The following PSMB3 variants were observed in gnomAD, a reference collection of about 807,000 sequenced individuals.
The protein encoded by PSMB3 is proteasome subunit beta type-3.
Under a neutral mutation model 23.3 loss-of-function variants are expected in PSMB3, and 5 were observed. The observed-to-expected ratio is 0.21, with a 90% CI of 0.11 to 0.45. PSMB3 has a LOEUF of 0.45. PSMB3 is among the 20% of genes least tolerant of loss of function. The pLI is 0.99. For synonymous variants in PSMB3, 85 were observed against 99.8 expected (o/e 0.85, Z 0.88); for missense variants, 192 against 277.9 (o/e 0.69, Z 2.20).
At chr17:38,759,630 C>T (rs537163745) in intron 3 of PSMB3, among the ~76,000 whole-genome samples, 111 of 151,818 alleles carry the variant, frequency 7.3e-4, no homozygotes, top group Non-Finnish European at 1.4e-3. Context: ...CTGCAAGCTC[C>T]GCCTCCCGGG....
intron 5 of PSMB3, among the ~76,000 whole-genome samples, chr17:38,762,972 G>A (rs968585947): frequency 2.0e-5 from 3 of 152,166 alleles, no homozygotes; most frequent in Admixed American, 1.3e-4. Flanking sequence ...GAACCTGATT[G>A]GATAGAGTAG....
chr17:38,755,688 G>A lies in PSMB3; in HGVS notation c.189-195G>A, dbSNP rs866947509. Among the ~76,000 whole-genome samples the A allele has an allele frequency of 5.7e-3, 720 of 125,756 alleles. 7 individuals are homozygous for A. The highest frequency in any genetic ancestry group is 0.025 in the African/African-American group (687 of 27,986). 82.5% of individuals were successfully genotyped at this position (125,756 alleles called of 152,430 possible). On this transcript the variant is annotated intron_variant, in intron 2 of 5. Transcript: ENST00000619426. ...TATATATATATATATATATATGTGT[G>A]TGTGTGTGTGTGTGTGTGTGTGTGT...
At chr17:38,754,295 C>T (rs926520393) in intron 2 of PSMB3, among the ~76,000 whole-genome samples, 11 of 152,110 alleles carry the variant, frequency 7.2e-5, no homozygotes, top group African/African-American at 2.4e-4. Flanking sequence ...CATGGTGAAA[C>T]GCTGTCTCTA....
chr17:38,756,159 A>G (rs1403624932), intron 3 of PSMB3, among the ~76,000 whole-genome samples, 169 bp downstream of exon 3: 1 of 152,192 alleles, frequency 6.6e-6, no homozygotes, highest in Non-Finnish European at 1.5e-5. Context: ...CCAGATAGGA[A>G]AGAAAATACT....
In PSMB3 at chr17:38,753,353, C is replaced by T; in HGVS notation, c.188+19C>T. The T allele has an allele frequency of 1.2e-6, 2 of 1,608,056 alleles. No homozygotes were observed. On this transcript the variant is annotated intron_variant, in intron 2 of 5. Transcript: ENST00000619426. ...AGACAGTGTAAGTTTCAAGGGTCCC[C>T]GCCCACACCCAGGCCTCTTCTTGGA... is the stretch of plus-strand genomic sequence containing the variant.
intron 2 of PSMB3, among the ~76,000 whole-genome samples, chr17:38,755,672 A>ATG (rs1296883337): frequency 6.8e-5 from 6 of 88,784 alleles, no homozygotes; most frequent in African/African-American, 2.4e-4. Context: ...ATATATATAT[A>ATG]TATATATATA....
chr17:38,752,961 C>T lies in PSMB3; in HGVS notation c.3+132C>T, dbSNP rs1013460762. The T allele has an allele frequency of 3.3e-5, 46 of 1,388,040 alleles. No homozygotes were observed. In the African/African-American group the frequency reaches 5.8e-4, roughly 18 times the overall value. 86.0% of individuals were successfully genotyped at this position (1,388,040 alleles called of 1,614,324 possible). On this transcript the variant is annotated intron_variant, in intron 1 of 5. Coordinates refer to ENST00000619426, the MANE Select transcript of PSMB3 (RefSeq NM_002795.4). The surrounding 1 kb of genome is among the most constrained non-coding windows in gnomAD (Gnocchi z 5.5). The stretch of plus-strand genomic sequence containing the variant: ...GTTTCAGTTCGAGGGGAGCGGGCCC[C>T]GGTGAGGACCAAGAGGGTGAGTGCG...
In PSMB3 at chr17:38,760,486, A is replaced by G. The variant is rs780700997; in HGVS notation, c.352A>G (p.Lys118Glu). The G allele has an allele frequency of 3.0e-5, 48 of 1,614,134 alleles. 1 individual carries two copies. The South Asian group carries it at 5.3e-4, about 18-fold the overall frequency. Residue 118 changes from lysine to glutamate, a missense_variant, in exon 4 of 6, where the codon AAG becomes GAG. By Grantham distance (56) the Lys-to-Glu change is moderately conservative. Coordinates refer to ENST00000619426, the MANE Select transcript of PSMB3 (RefSeq NM_002795.4). ...VIAGLDPKTF[K>E]PFICSLDLIG... ...TGCCGGGTTGGACCCGAAGACCTTT[A>G]AGCCCTTCATTTGCTCTCTAGACCT...
At chr17:38,755,715 T>TGCGCGC (rs58013738) in intron 2 of PSMB3, among the ~76,000 whole-genome samples, 168 bp from the exon 3 acceptor site, 153 of 138,470 alleles carry the variant, frequency 1.1e-3, no homozygotes, top group African/African-American at 3.8e-3. Flanking sequence ...TGTGTGTGTG[T>TGCGCGC]GCTGCCAAAG....
intron 2 of PSMB3, among the ~76,000 whole-genome samples, chr17:38,755,659 A>AAAT (rs1555542565): frequency 4.1e-5 from 4 of 96,926 alleles, no homozygotes; most frequent in Non-Finnish European, 7.5e-5. Flanking sequence ...AAAAAAAAAA[A>AAAT]ATATATATAT....
chr17:38,763,293 G>T (rs1391319989), intron 5 of PSMB3, among the ~76,000 whole-genome samples: 1 of 151,988 alleles, frequency 6.6e-6, no homozygotes, highest in Non-Finnish European at 1.5e-5. Flanking sequence ...GGCAGAGGTT[G>T]CAGTTAGTCA....
intron 1 of PSMB3, 143 bp from the exon 2 acceptor site, chr17:38,753,007 G>T: frequency 8.1e-7 from 1 of 1,233,390 alleles, no homozygotes; most frequent in Non-Finnish European, 1.1e-6. Context: ...GCCACACAGT[G>T]CTCATCCCAG....
In PSMB3 at chr17:38,753,135, C is replaced by T. The variant is rs377380760; in HGVS notation, c.4-15C>T. On this transcript the variant is annotated splice_polypyrimidine_tract_variant and intron_variant, in intron 1 of 5. Transcript: ENST00000619426. The stretch of plus-strand genomic sequence containing the variant: ...TTGACCCCCCGCGCTGACCCCTCCG[C>T]TCTGTCTGTCCTAGTCTATTATGTC... The T allele has an allele frequency of 3.2e-5, 52 of 1,605,738 alleles. No individual in the cohort carries two copies. Among genetic ancestry groups the T allele is most frequent in the African/African-American group, 1.2e-4 (9 of 74,704 alleles).
At chr17:38,759,768 C>G (rs1224896393) in intron 3 of PSMB3, among the ~76,000 whole-genome samples, 1 of 152,070 alleles carries the variant, frequency 6.6e-6, no homozygotes, top group African/African-American at 2.4e-5. Context: ...AGGAAGGTCT[C>G]GATCTCCTGA....
intron 4 of PSMB3, 197 bp from the exon 5 acceptor site, chr17:38,762,214 A>C: frequency 1.8e-6 from 1 of 554,330 alleles, no homozygotes; most frequent in Non-Finnish European, 3.2e-6. Flanking sequence ...AGTCTCTTTC[A>C]CTTTCCTTTA....
At chr17:38,758,869 A>AC in intron 3 of PSMB3, among the ~76,000 whole-genome samples, 1 of 152,078 alleles carries the variant, frequency 6.6e-6, no homozygotes, top group East Asian at 1.9e-4. Flanking sequence ...ACACGGTGAA[A>AC]CCCCGTCTGT....
intron 5 of PSMB3, among the ~76,000 whole-genome samples, chr17:38,763,399 C>A (rs1207044225): frequency 1.3e-5 from 2 of 151,918 alleles, no homozygotes; most frequent in Non-Finnish European, 2.9e-5. Flanking sequence ...ACAGAATTTA[C>A]CACCGACGGT....
Position 38,758,378 on chromosome 17 carries a change from C to T in PSMB3, c.297-2053C>T, listed in dbSNP as rs112631718. 1.5e-3 allele frequency among the ~76,000 whole-genome samples: 228 copies of T among 151,798 alleles called. 1 individual carries two copies. Among genetic ancestry groups the T allele is most frequent in the Middle Eastern group, 6.8e-3 (2 of 292 alleles). On this transcript the variant is annotated intron_variant, in intron 3 of 5. Transcript: ENST00000619426. ...TATTTTTTTGAGAGTTTCACTCTTT[C>T]GCCCAGGCTGGAGTGCAGTGGTGCG...
At chr17:38,759,154 T>C (rs1405546934) in intron 3 of PSMB3, among the ~76,000 whole-genome samples, 2 of 152,270 alleles carry the variant, frequency 1.3e-5, no homozygotes, top group Non-Finnish European at 2.9e-5. Flanking sequence ...TTTGGTATTT[T>C]ATAGATATTC....
Sources: gnomAD v4.1 joint callset for allele counts (sites outside exome capture counted in the v4.1 genomes callset) on GRCh38, gnomAD v4.1.1 for gene constraint, Gnocchi (gnomAD v3.1) non-coding constraint, MANE v1.5 for transcripts, NCBI Gene and HGNC (gene_info 2026-07-23, HGNC 2026-07-21) for gene names.